Variants in MPZL3 observed in about 807,000 individuals in gnomAD.
MPZL3 encodes the protein myelin protein zero-like protein 3.
MPZL3 carries 23 observed loss-of-function variants against 24.8 expected under a neutral mutation model. The observed-to-expected ratio is 0.93, with a 90% CI of 0.67 to 1.31. MPZL3 has a LOEUF of 1.31. Ranked by LOEUF, MPZL3 falls within the 40% of genes most tolerant of loss-of-function variation. MPZL3 has a pLI of 0.00. For synonymous variants in MPZL3, 99 were observed against 106.5 expected (o/e 0.93, Z 0.44); for missense variants, 277 against 294.9 (o/e 0.94, Z 0.44).
intron 2 of MPZL3, among the ~76,000 whole-genome samples, chr11:118,239,083 T>A (rs1264078002): frequency 2.0e-5 from 3 of 152,244 alleles, no homozygotes; most frequent in Non-Finnish European, 4.4e-5. Flanking sequence ...ATGAGTTTGT[T>A]GATTTTCTGA....
chr11:118,235,865 A>G (rs1949419586), intron 3 of MPZL3, among the ~76,000 whole-genome samples: 1 of 152,160 alleles, frequency 6.6e-6, no homozygotes, highest in Non-Finnish European at 1.5e-5. Flanking sequence ...ATTTTTAAGT[A>G]TGGATCATAT....
chr11:118,247,458 A>C (rs578244290), intron 1 of MPZL3, among the ~76,000 whole-genome samples: 2 of 152,336 alleles, frequency 1.3e-5, no homozygotes, highest in East Asian at 3.9e-4. Context: ...TACACAGGTT[A>C]AGTCCCTAAT....
chr11:118,237,282 A>G, intron 2 of MPZL3, 22 bp from the exon 3 acceptor site: 1 of 1,603,310 alleles, frequency 6.2e-7, no homozygotes, highest in Non-Finnish European at 8.5e-7. Flanking sequence ...ACACCATGAG[A>G]GAAAAGGTTA....
At chr11:118,234,987 T>C (rs1399282027) in intron 4 of MPZL3, among the ~76,000 whole-genome samples, 1 of 152,200 alleles carries the variant, frequency 6.6e-6, no homozygotes, top group Non-Finnish European at 1.5e-5. Context: ...GGACCAAGAA[T>C]AGATCTCGCT....
intron 1 of MPZL3, among the ~76,000 whole-genome samples, chr11:118,245,336 C>T (rs58772054): frequency 0.016 from 2,457 of 152,016 alleles, 56 homozygotes; most frequent in African/African-American, 0.047. Flanking sequence ...AGCAAGACTT[C>T]ATCTCTTAAA....
chr11:118,250,630 G>C (rs1424036411), intron 1 of MPZL3, among the ~76,000 whole-genome samples: 4 of 151,964 alleles, frequency 2.6e-5, no homozygotes, highest in Non-Finnish European at 5.9e-5. Context: ...GCCCAGGCTA[G>C]AGTGCAATGG....
chr11:118,234,679 G>C (rs1168217563), intron 4 of MPZL3, among the ~76,000 whole-genome samples: 1 of 151,800 alleles, frequency 6.6e-6, no homozygotes, highest in Non-Finnish European at 1.5e-5. Context: ...TTGAGCCACA[G>C]ATTCCTTGGA....
chr11:118,249,345 A>G (rs929619985), intron 1 of MPZL3, among the ~76,000 whole-genome samples: 2 of 152,214 alleles, frequency 1.3e-5, no homozygotes, highest in African/African-American at 4.8e-5. Flanking sequence ...CTCTACATAT[A>G]TATACTGAAA....
chr11:118,237,204 C>T lies in MPZL3; in HGVS notation c.297G>A (p.Arg99=). 6 of 1,614,086 alleles carry T rather than the reference C, an allele frequency of 3.7e-6. No individual in the cohort carries two copies. The highest frequency in any genetic ancestry group is 4.2e-6 in the Non-Finnish European group (5 of 1,179,966). Residue 99 remains arginine, a synonymous_variant, in exon 3 of 6, where the codon CGG becomes CGA. Coordinates refer to ENST00000278949, the MANE Select transcript of MPZL3 (RefSeq NM_198275.3). ...TGTATACATTTCCAACCCAGGAAAT[C>T]CGATCCCGAAATGTGCCTGCTGTGG... ...YPTTAGTFRD[R]ISWVGNVYKG... is the part of the protein sequence containing the mutation.
At chr11:118,245,474 C>T (rs956818375) in intron 1 of MPZL3, among the ~76,000 whole-genome samples, 2 of 152,162 alleles carry the variant, frequency 1.3e-5, no homozygotes, top group African/African-American at 4.8e-5. Context: ...AGGGAGGTAT[C>T]AAGGATGACT....
At chr11:118,244,076 G>A (rs564788747) in intron 1 of MPZL3, among the ~76,000 whole-genome samples, 2 of 151,980 alleles carry the variant, frequency 1.3e-5, no homozygotes, top group Non-Finnish European at 2.9e-5. Context: ...AAAATCCGAG[G>A]GATAAAAACC....
intron 1 of MPZL3, among the ~76,000 whole-genome samples, chr11:118,243,474 A>G (rs1471302378): frequency 6.6e-6 from 1 of 152,168 alleles, no homozygotes; most frequent in Admixed American, 6.5e-5. Flanking sequence ...GCTTTAGCAG[A>G]AAAACCTCTC....
At chr11:118,234,636 A>G (rs1243699687) in intron 4 of MPZL3, among the ~76,000 whole-genome samples, 1 of 152,152 alleles carries the variant, frequency 6.6e-6, no homozygotes, top group African/African-American at 2.4e-5. Context: ...AGAAATAGAC[A>G]TTAGCATTTT....
chr11:118,233,567 A>G (rs1211848511), intron 4 of MPZL3, 44 bp from the exon 5 acceptor site: 1 of 1,592,836 alleles, frequency 6.3e-7, no homozygotes, highest in Non-Finnish European at 8.6e-7. Flanking sequence ...CACTATCCTC[A>G]ATAGAGTAGA....
In MPZL3 at chr11:118,251,078, CGTGTGTGTGTGT is replaced by C. The variant is rs3221165; in HGVS notation, c.73+1132_73+1143del. Among the ~76,000 whole-genome samples the C allele has an allele frequency of 2.2e-3, 321 of 144,362 alleles. 1 individual carries two copies. Among genetic ancestry groups the C allele is most frequent in the African/African-American group, 3.8e-3 (145 of 38,594 alleles). 94.7% of individuals were successfully genotyped at this position (144,362 alleles called of 152,430 possible). ...AATAAGACAATATTTGAATATTTCT[CGTGTGTGTGTGT>C]GTGTGTGTGTGTGTGTGTGTGTGTG... On this transcript the variant is annotated intron_variant, in intron 1 of 5. Transcript: ENST00000278949.
In MPZL3 at chr11:118,240,199, G is replaced by A; in HGVS notation, c.240+12C>T. Reference sequence around the variant, plus strand: ...TTGACCAAAGGAACATTCCGAAAAAGTACACACTTACTGATACTGTGTGGC... The same window carrying A: ...TTGACCAAAGGAACATTCCGAAAAAATACACACTTACTGATACTGTGTGGC... On this transcript the variant is annotated intron_variant, in intron 2 of 5. Coordinates refer to ENST00000278949, the MANE Select transcript of MPZL3 (RefSeq NM_198275.3). The A allele has an allele frequency of 6.6e-7, 1 of 1,523,346 alleles. No homozygotes were observed. Among genetic ancestry groups the A allele is most frequent in the Middle Eastern group, 1.7e-4 (1 of 5,822 alleles). 94.4% of individuals were successfully genotyped at this position (1,523,346 alleles called of 1,614,324 possible).
intron 5 of MPZL3, among the ~76,000 whole-genome samples, 194 bp downstream of exon 5, chr11:118,233,266 C>T (rs1057266950): frequency 4.6e-5 from 7 of 152,134 alleles, no homozygotes; most frequent in African/African-American, 1.4e-4. Flanking sequence ...GACCACGAGA[C>T]AGGAAACAAA....
At chr11:118,251,074 T>G (rs959667986) in intron 1 of MPZL3, among the ~76,000 whole-genome samples, 2 of 124,112 alleles carry the variant, frequency 1.6e-5, no homozygotes, top group Admixed American at 1.8e-4. Context: ...ATTTGAATAT[T>G]TCTCGTGTGT....
chr11:118,231,703 A>T (rs111567382), intron 5 of MPZL3, among the ~76,000 whole-genome samples: 3,630 of 152,234 alleles, frequency 0.024, 137 homozygotes, highest in African/African-American at 0.082. Context: ...CCAAGTCAAG[A>T]ATCTTGGAAC....
Sources: gnomAD v4.1 joint callset for allele counts (sites outside exome capture counted in the v4.1 genomes callset) on GRCh38, gnomAD v4.1.1 for gene constraint, MANE v1.5 for transcripts, NCBI Gene and HGNC (gene_info 2026-07-23, HGNC 2026-07-21) for gene names.